The following CADM2 variants were observed in gnomAD, a reference collection of about 807,000 sequenced individuals.
CADM2 encodes the protein cell adhesion molecule 2.
Under a neutral mutation model 49.8 loss-of-function variants are expected in CADM2, and 12 were observed. The ratio of observed to expected loss-of-function variants is 0.24; its 90% CI spans 0.15 to 0.39. The LOEUF (loss-of-function observed/expected upper bound fraction) is 0.39, where lower values mean the gene tolerates loss of function less well. Among genes scored for constraint, CADM2 ranks in the 10% least tolerant of loss-of-function variants. CADM2 has a pLI of 1.00. For missense variants in CADM2, 378 were observed against 492.3 expected (o/e 0.77, Z 2.20); for synonymous variants, 214 against 175.4 (o/e 1.22, Z -1.74).
chr3:85,808,418 C>A (rs2108109262), intron 3 of CADM2, among the ~76,000 whole-genome samples: 1 of 152,078 alleles, frequency 6.6e-6, no homozygotes, highest in South Asian at 2.1e-4. Flanking sequence ...TGAAACACCA[C>A]ATAAATGCTG....
At chr3:85,151,562 G>A (rs1041733863) in intron 1 of CADM2, among the ~76,000 whole-genome samples, 3 of 152,292 alleles carry the variant, frequency 2.0e-5, no homozygotes, top group Admixed American at 2.0e-4. Context: ...TAGAGCAGCC[G>A]ATTAAAATCA....
At chr3:85,715,955 G>T (rs1480557462) in intron 1 of CADM2, among the ~76,000 whole-genome samples, 1 of 152,164 alleles carries the variant, frequency 6.6e-6, no homozygotes, top group Non-Finnish European at 1.5e-5. Flanking sequence ...GAATAGTGCT[G>T]CAATACACAT....
intron 1 of CADM2, among the ~76,000 whole-genome samples, chr3:85,285,403 A>T (rs912047995): frequency 6.6e-6 from 1 of 152,148 alleles, no homozygotes; most frequent in African/African-American, 2.4e-5. Context: ...GTTTTGACTA[A>T]TAAAGTGGAA....
intron 1 of CADM2, among the ~76,000 whole-genome samples, chr3:85,182,240 C>A (rs571925702): frequency 8.5e-5 from 13 of 152,124 alleles, no homozygotes; most frequent in Admixed American, 5.2e-4. Flanking sequence ...TAATCCCTCT[C>A]ATCTTCAGTG....
chr3:85,057,642 A>C (rs2107430769), intron 1 of CADM2, among the ~76,000 whole-genome samples: 1 of 152,292 alleles, frequency 6.6e-6, no homozygotes, highest in South Asian at 2.1e-4. Context: ...AAATGTTCAA[A>C]GTTGGACAAG....
In CADM2 at chr3:85,132,626, T is replaced by TTTTA. The variant is rs1553686672; in HGVS notation, c.61+172959_61+172960insTTAT. Among the ~76,000 whole-genome samples the TTTTA allele has an allele frequency of 1.0e-4, 15 of 146,890 alleles. 1 individual carries two copies. Among genetic ancestry groups the TTTTA allele is most frequent in the African/African-American group, 3.7e-4 (15 of 40,420 alleles). On this transcript the variant is annotated intron_variant, in intron 1 of 9. Coordinates refer to ENST00000383699, the MANE Select transcript of CADM2 (RefSeq NM_001167675.2). ...GTTTTGAAATATAAACAAGGATATA[T>TTTTA]TATATATATATATATATTTAGTCAT...
chr3:85,986,630 A>G (rs942280576), intron 8 of CADM2, among the ~76,000 whole-genome samples: 1 of 152,066 alleles, frequency 6.6e-6, no homozygotes, highest in African/African-American at 2.4e-5. Context: ...ACTGATTTCT[A>G]TGTTTAGGGT....
At chr3:85,979,435 A>T (rs1173883655) in intron 8 of CADM2, 1 of 804,070 alleles carries the variant, frequency 1.2e-6, no homozygotes, top group African/African-American at 1.7e-5. Context: ...GGTTATTGGA[A>T]TAGAATATGA....
chr3:85,080,167 A>G (rs2037109691), intron 1 of CADM2, among the ~76,000 whole-genome samples: 1 of 152,004 alleles, frequency 6.6e-6, no homozygotes, highest in South Asian at 2.1e-4. Flanking sequence ...GTACTTCTTT[A>G]TACCTTGGTC....
intron 1 of CADM2, among the ~76,000 whole-genome samples, chr3:85,283,793 G>A (rs921702713): frequency 1.3e-5 from 2 of 152,096 alleles, no homozygotes; most frequent in Non-Finnish European, 2.9e-5. Context: ...GTCATATGAA[G>A]TAGGGCAAGG....
At chr3:85,514,028 A>G (rs2060836707) in intron 1 of CADM2, among the ~76,000 whole-genome samples, 1 of 152,082 alleles carries the variant, frequency 6.6e-6, no homozygotes, top group Non-Finnish European at 1.5e-5. Context: ...CTTCTATAAG[A>G]ATGGCAATGG....
At chr3:85,831,428 ACTAAT>A (rs1330448461) in intron 3 of CADM2, among the ~76,000 whole-genome samples, 1 of 152,016 alleles carries the variant, frequency 6.6e-6, no homozygotes, top group Non-Finnish European at 1.5e-5. Flanking sequence ...CAGCAACTGA[ACTAAT>A]CTACATTCCC....
chr3:85,353,886 G>A (rs1228377802), intron 1 of CADM2, among the ~76,000 whole-genome samples: 2 of 151,900 alleles, frequency 1.3e-5, no homozygotes, highest in Admixed American at 6.6e-5. Context: ...AAATAAAAGT[G>A]AAAATATTTA....
chr3:85,552,158 A>G (rs1157989552), intron 1 of CADM2, among the ~76,000 whole-genome samples: 1 of 152,102 alleles, frequency 6.6e-6, no homozygotes, highest in Non-Finnish European at 1.5e-5. Context: ...GACATGAGCT[A>G]TCCAGACATT....
At chr3:85,191,448 C>T (rs1053240265) in intron 1 of CADM2, among the ~76,000 whole-genome samples, 1 of 151,978 alleles carries the variant, frequency 6.6e-6, no homozygotes, top group Non-Finnish European at 1.5e-5. Flanking sequence ...ATTTAGTCTT[C>T]AGTACAATGC....
intron 1 of CADM2, among the ~76,000 whole-genome samples, chr3:85,403,580 A>G (rs1430116189): frequency 3.3e-5 from 5 of 152,230 alleles, no homozygotes; most frequent in African/African-American, 1.2e-4. Context: ...CTTGCTCTTA[A>G]TAAGGCAGAT....
chr3:85,542,415 C>T (rs2061571103), intron 1 of CADM2, among the ~76,000 whole-genome samples: 1 of 152,104 alleles, frequency 6.6e-6, no homozygotes, highest in South Asian at 2.1e-4. Context: ...GAATAAAATT[C>T]ATTCTGCTTT....
intron 1 of CADM2, among the ~76,000 whole-genome samples, chr3:85,441,738 AC>A (rs144840495): frequency 0.014 from 2,079 of 152,234 alleles, 118 homozygotes; most frequent in South Asian, 0.11. Context: ...AAAGATAATT[AC>A]ATGTGAAAGA....
chr3:85,083,032 T>C (rs2037229002), intron 1 of CADM2, among the ~76,000 whole-genome samples: 2 of 152,302 alleles, frequency 1.3e-5, no homozygotes, highest in South Asian at 4.1e-4. Context: ...ATTTTAGCCA[T>C]CTGTGTGTTT....
Sources: gnomAD v4.1 joint callset for allele counts (sites outside exome capture counted in the v4.1 genomes callset) on GRCh38, gnomAD v4.1.1 for gene constraint, MANE v1.5 for transcripts, NCBI Gene and HGNC (gene_info 2026-07-23, HGNC 2026-07-21) for gene names.